Variants in HOMER2 observed in about 807,000 individuals in gnomAD.
HOMER2 encodes homer protein homolog 2.
A neutral mutation model predicts 47.0 loss-of-function variants in HOMER2; 27 were observed. The observed-to-expected ratio is 0.57, with a 90% CI of 0.42 to 0.79. HOMER2 has a LOEUF of 0.79. Ranked by LOEUF, HOMER2 falls within the 30% of genes least tolerant of loss-of-function variation. The pLI, the probability that HOMER2 is intolerant of heterozygous loss-of-function variation, is 0.00. For synonymous variants in HOMER2, 161 were observed against 163.8 expected (o/e 0.98, Z 0.13); for missense variants, 443 against 435.0 (o/e 1.02, Z -0.16).
chr15:82,864,160 G>A lies in HOMER2; in HGVS notation c.387+7C>T, dbSNP rs41310984. 1.8e-4 allele frequency: 292 copies of A among 1,587,066 alleles called. 6 individuals are homozygous for A. The East Asian group carries it at 6.5e-3, about 35-fold the overall frequency. On this transcript the variant is annotated splice_region_variant and intron_variant, in intron 4 of 8. Coordinates refer to ENST00000450735, the MANE Select transcript of HOMER2 (RefSeq NM_004839.4). ...ACTGGGATTTACTTCATAGACTAAT[G>A]TCTTACTTGGGAATGATTACTTGAG...
chr15:82,968,892 A>T (rs991351981), intron 1 of HOMER2, among the ~76,000 whole-genome samples: 1 of 152,208 alleles, frequency 6.6e-6, no homozygotes. Flanking sequence ...GAAGGAAAAA[A>T]AGAGATCTAA....
At chr15:82,862,596 G>C (rs2051830196) in intron 4 of HOMER2, among the ~76,000 whole-genome samples, 1 of 152,172 alleles carries the variant, frequency 6.6e-6, no homozygotes, top group African/African-American at 2.4e-5. Context: ...AATTTCAGAT[G>C]CTGAATTTCA....
exon 2 of HOMER2, chr15:82,837,381 G>C (rs2051137800): frequency 6.6e-6 from 1 of 152,250 alleles, no homozygotes; most frequent in Admixed American, 6.5e-5. Context: ...GAGCTTTCTA[G>C]AATGAAGATT....
At chr15:82,868,541 A>ATTTTTTT (rs10678643) in intron 3 of HOMER2, among the ~76,000 whole-genome samples, 9 of 71,260 alleles carry the variant, frequency 1.3e-4, no homozygotes, top group Non-Finnish European at 2.0e-4. Flanking sequence ...ATATATATAT[A>ATTTTTTT]TTTTTTTTTT....
intron 3 of HOMER2, among the ~76,000 whole-genome samples, chr15:82,868,541 A>ATATATATATATATATATATATTT: frequency 4.2e-5 from 3 of 71,264 alleles, no homozygotes; most frequent in African/African-American, 1.5e-4. Flanking sequence ...ATATATATAT[A>ATATATATATATATATATATATTT]TTTTTTTTTT....
intron 1 of HOMER2, among the ~76,000 whole-genome samples, chr15:82,924,657 C>T (rs1254246521): frequency 2.6e-5 from 4 of 152,338 alleles, no homozygotes; most frequent in East Asian, 3.9e-4. Context: ...TCCCCGCAAT[C>T]TCAGCAGAAC....
At chr15:82,836,854 G>A (rs954538971), downstream of HOMER2, 1 of 152,252 alleles carries the variant, frequency 6.6e-6, no homozygotes, top group Non-Finnish European at 1.5e-5. Flanking sequence ...TGGATTTATG[G>A]GGCAGAGGCT....
intron 1 of HOMER2, among the ~76,000 whole-genome samples, chr15:82,979,065 A>G (rs577147909): frequency 2.6e-4 from 40 of 152,192 alleles, no homozygotes; most frequent in African/African-American, 9.4e-4. Context: ...CTTGGTTCTC[A>G]CTTTTCTCTC....
At chr15:82,850,038 G>T in intron 8 of HOMER2, 135 bp from the exon 9 acceptor site, 2 of 798,958 alleles carry the variant, frequency 2.5e-6, no homozygotes, top group Non-Finnish European at 3.9e-6. Flanking sequence ...CTAGAGACAT[G>T]CTACCCCAGC....
intron 1 of HOMER2, among the ~76,000 whole-genome samples, chr15:82,948,094 A>C (rs1252890345): frequency 6.6e-6 from 1 of 152,086 alleles, no homozygotes; most frequent in East Asian, 1.9e-4. Context: ...AAAATACAAA[A>C]GAATTAGCTG....
chr15:82,971,083 T>C (rs1207522540), intron 1 of HOMER2, among the ~76,000 whole-genome samples: 3 of 152,226 alleles, frequency 2.0e-5, no homozygotes, highest in African/African-American at 7.2e-5. Context: ...GGAAGATGTA[T>C]TCCTCATTGT....
chr15:82,921,791 G>A (rs2053735020), intron 1 of HOMER2, among the ~76,000 whole-genome samples: 1 of 152,096 alleles, frequency 6.6e-6, no homozygotes, highest in Non-Finnish European at 1.5e-5. Context: ...CTGGGCTCTG[G>A]TCTCCTCTGT....
At chr15:82,897,656 T>C (rs1318267400) in intron 1 of HOMER2, among the ~76,000 whole-genome samples, 2 of 152,208 alleles carry the variant, frequency 1.3e-5, no homozygotes, top group Non-Finnish European at 2.9e-5. Flanking sequence ...TAAATTACCT[T>C]ACTGGTTTTG....
rs186470669 is a variant in HOMER2, at chr15:82,877,319, G to A, written c.163-1915C>T. Among the ~76,000 whole-genome samples, 118 of 152,150 alleles carry A rather than the reference G, an allele frequency of 7.8e-4. 3 individuals carry two copies. The East Asian group carries it at 0.021, about 27-fold the overall frequency. Reference sequence around the variant, plus strand: ...TGAGTAGCTGGAATTACAGGTGACCGCCACCACACCCGACAAATTTTTGTA... The same window carrying A: ...TGAGTAGCTGGAATTACAGGTGACCACCACCACACCCGACAAATTTTTGTA... On this transcript the variant is annotated intron_variant, in intron 2 of 8. Coordinates refer to ENST00000450735, the MANE Select transcript of HOMER2 (RefSeq NM_004839.4).
At chr15:82,898,463 C>T (rs1209040594) in intron 1 of HOMER2, 1 of 152,192 alleles carries the variant, frequency 6.6e-6, no homozygotes, top group Non-Finnish European at 1.5e-5. Context: ...TACTCCCATT[C>T]CTTCTTCAGT....
intron 2 of HOMER2, among the ~76,000 whole-genome samples, chr15:82,879,473 G>T (rs1256627075): frequency 1.3e-5 from 2 of 151,964 alleles, no homozygotes; most frequent in Admixed American, 6.6e-5. Context: ...CTCTAGCCTG[G>T]GTGACAAAAG....
In HOMER2 at chr15:82,859,158, C is replaced by T. The variant is rs376440736; in HGVS notation, c.388-23G>A. ...TGCCTGAGTAGAAGATGGGGTTTCA[C>T]GCCCAGATTCCTGGCCAAAGTGAAT... On this transcript the variant is annotated intron_variant, in intron 4 of 8. Coordinates refer to ENST00000450735, the MANE Select transcript of HOMER2 (RefSeq NM_004839.4). 19 of 1,613,760 alleles carry T rather than the reference C, an allele frequency of 1.2e-5. No homozygotes were observed. The highest frequency in any genetic ancestry group is 2.2e-5 in the East Asian group (1 of 44,896).
chr15:82,882,652 AG>A (rs1244604616), intron 2 of HOMER2, among the ~76,000 whole-genome samples: 1 of 152,224 alleles, frequency 6.6e-6, no homozygotes, highest in East Asian at 1.9e-4. Flanking sequence ...TGCTTCCAGA[AG>A]GAGGAGAGGC....
At chr15:82,918,969 G>GT (rs1323458365) in intron 1 of HOMER2, among the ~76,000 whole-genome samples, 3 of 152,248 alleles carry the variant, frequency 2.0e-5, no homozygotes, top group African/African-American at 4.8e-5. Context: ...TTAAAGAAGC[G>GT]TTTTTTTCTA....
Sources: gnomAD v4.1 joint callset for allele counts (sites outside exome capture counted in the v4.1 genomes callset) on GRCh38, gnomAD v4.1.1 for gene constraint, MANE v1.5 for transcripts, NCBI Gene and HGNC (gene_info 2026-07-23, HGNC 2026-07-21) for gene names.